The following FARS2 variants were observed in gnomAD, a reference collection of about 807,000 sequenced individuals.
FARS2 encodes phenylalanyl-tRNA synthetase 2, mitochondrial.
FARS2 carries 40 observed loss-of-function variants against 46.4 expected under a neutral mutation model. The ratio of observed to expected loss-of-function variants is 0.86; its 90% CI spans 0.67 to 1.12. The LOEUF is 1.12. Among genes scored for constraint, FARS2 ranks in the 50% most tolerant of loss-of-function variants. FARS2 has a pLI of 0.00. For synonymous variants in FARS2, 234 were observed against 214.9 expected, an observed-to-expected ratio of 1.09 and a Z score of -0.78; for missense variants, 513 against 567.9, an observed-to-expected ratio of 0.90 and a Z score of 0.98.
chr6:5,513,682 A>G (rs182297057), intron 4 of FARS2, among the ~76,000 whole-genome samples: 1 of 152,292 alleles, frequency 6.6e-6, no homozygotes, highest in African/African-American at 2.4e-5. Flanking sequence ...GTCCAGGGTG[A>G]TAAGAATGGT....
At chr6:5,334,615 G>A (rs1172090481) in intron 1 of FARS2, among the ~76,000 whole-genome samples, 3 of 152,124 alleles carry the variant, frequency 2.0e-5, no homozygotes, top group Non-Finnish European at 4.4e-5. Flanking sequence ...AAGAAGAGGT[G>A]CACAGCAGTT....
At chr6:5,476,744 G>A (rs965623538) in intron 4 of FARS2, among the ~76,000 whole-genome samples, 1 of 152,138 alleles carries the variant, frequency 6.6e-6, no homozygotes, top group African/African-American at 2.4e-5. Flanking sequence ...AGTGGGGAAG[G>A]GCCAGACAAA....
At chr6:5,575,846 A>C (rs1772931225) in intron 5 of FARS2, among the ~76,000 whole-genome samples, 1 of 152,176 alleles carries the variant, frequency 6.6e-6, no homozygotes, top group African/African-American at 2.4e-5. Flanking sequence ...GTTCTGTTTT[A>C]TACAATTTTT....
At chr6:5,517,069 G>A (rs1768848713) in intron 4 of FARS2, among the ~76,000 whole-genome samples, 2 of 152,146 alleles carry the variant, frequency 1.3e-5, no homozygotes, top group South Asian at 4.1e-4. Flanking sequence ...ATATGAGCAT[G>A]GAAGGAAGAA....
At chr6:5,412,815 G>A (rs148179195) in intron 3 of FARS2, among the ~76,000 whole-genome samples, 1 of 152,256 alleles carries the variant, frequency 6.6e-6, no homozygotes, top group Admixed American at 6.5e-5. Flanking sequence ...CCTTCTCAGA[G>A]TACTCCTAGA....
At chr6:5,494,497 A>G (rs1561661800) in intron 4 of FARS2, among the ~76,000 whole-genome samples, 3 of 152,086 alleles carry the variant, frequency 2.0e-5, no homozygotes, top group African/African-American at 2.4e-5. Context: ...GTATCTTTCT[A>G]TTGCTAGTAA....
chr6:5,545,512 T>A (rs1157556196), intron 5 of FARS2, among the ~76,000 whole-genome samples, 172 bp downstream of exon 5: 1 of 152,198 alleles, frequency 6.6e-6, no homozygotes, highest in African/African-American at 2.4e-5. Context: ...TGCATAGGTA[T>A]ACGTGTGCCA....
chr6:5,467,579 C>T (rs1438233444), intron 4 of FARS2, among the ~76,000 whole-genome samples: 2 of 152,204 alleles, frequency 1.3e-5, no homozygotes, highest in Admixed American at 6.5e-5. Flanking sequence ...GCTTTCCATA[C>T]TGACAGTACC....
chr6:5,652,151 C>T (rs530205188), intron 6 of FARS2, among the ~76,000 whole-genome samples: 2 of 152,284 alleles, frequency 1.3e-5, no homozygotes, highest in East Asian at 3.9e-4. Flanking sequence ...AAGTGCTTCT[C>T]TTCGGTGATA....
intron 5 of FARS2, among the ~76,000 whole-genome samples, chr6:5,611,745 C>T (rs1775196969): frequency 6.6e-6 from 1 of 152,114 alleles, no homozygotes; most frequent in Non-Finnish European, 1.5e-5. Context: ...GTTCTGGCTG[C>T]CTGCGTTATT....
chr6:5,713,302 C>G (rs1759294944), intron 6 of FARS2, among the ~76,000 whole-genome samples: 1 of 152,160 alleles, frequency 6.6e-6, no homozygotes, highest in African/African-American at 2.4e-5. Context: ...TAATACAGTA[C>G]CCAGTTCTAT....
At chr6:5,271,724 G>A (rs998319157) in intron 1 of FARS2, among the ~76,000 whole-genome samples, 1 of 151,616 alleles carries the variant, frequency 6.6e-6, no homozygotes, top group African/African-American at 2.4e-5. Context: ...CACCACGCCC[G>A]GCTAATTTTT....
chr6:5,711,116 G>A (rs1004817482), intron 6 of FARS2, among the ~76,000 whole-genome samples: 6 of 152,124 alleles, frequency 3.9e-5, no homozygotes, highest in African/African-American at 1.4e-4. Flanking sequence ...CTCCAAAAAG[G>A]CCACAATATT....
intron 5 of FARS2, among the ~76,000 whole-genome samples, chr6:5,573,261 T>C (rs1772761102): frequency 6.6e-6 from 1 of 152,200 alleles, no homozygotes; most frequent in Non-Finnish European, 1.5e-5. Flanking sequence ...GTTCAATTAC[T>C]GCTCTTAGAA....
At chr6:5,746,708 T>C (rs890543174) in intron 6 of FARS2, among the ~76,000 whole-genome samples, 3 of 152,064 alleles carry the variant, frequency 2.0e-5, no homozygotes, top group Non-Finnish European at 2.9e-5. Context: ...GTCTTATTCA[T>C]CTTTGTCGCC....
At chr6:5,622,281 G>A (rs9502323) in intron 6 of FARS2, among the ~76,000 whole-genome samples, 82,341 of 152,104 alleles carry the variant, frequency 0.54, 22,900 homozygotes, top group African/African-American at 0.66. Flanking sequence ...ACCTGCCACC[G>A]GTCAGCTCCA....
intron 5 of FARS2, among the ~76,000 whole-genome samples, chr6:5,546,485 T>C (rs142071446): frequency 0.037 from 5,602 of 151,224 alleles, 250 homozygotes; most frequent in African/African-American, 0.11. Context: ...CTCCTGACCT[T>C]GTGATTCGCC....
intron 1 of FARS2, among the ~76,000 whole-genome samples, chr6:5,290,759 C>T (rs1291481368): frequency 6.6e-6 from 1 of 152,180 alleles, no homozygotes; most frequent in Non-Finnish European, 1.5e-5. Context: ...CTCACTCTGT[C>T]CCCTAAGCTG....
At chr6:5,572,583 G>A (rs150636674) in intron 5 of FARS2, among the ~76,000 whole-genome samples, 18 of 152,202 alleles carry the variant, frequency 1.2e-4, no homozygotes, top group African/African-American at 4.3e-4. Flanking sequence ...TTCTAGGTTT[G>A]TGCCACAGCT....
Sources: allele counts gnomAD v4.1 joint callset (sites outside exome capture counted in the v4.1 genomes callset), GRCh38; gene constraint gnomAD v4.1.1; transcripts MANE v1.5; gene names NCBI Gene and HGNC (gene_info 2026-07-23, HGNC 2026-07-21).